Variants in ABCA5 observed in about 807,000 individuals in gnomAD.
ABCA5 encodes cholesterol transporter ABCA5.
Under a neutral mutation model 206.0 loss-of-function variants are expected in ABCA5, and 163 were observed. The observed-to-expected ratio is 0.79, with a 90% CI of 0.70 to 0.90. ABCA5 has a LOEUF of 0.90. Ranked by LOEUF, ABCA5 falls within the 40% of genes least tolerant of loss-of-function variation. The pLI is 0.00. For synonymous variants in ABCA5, 609 were observed against 613.8 expected (o/e 0.99, Z 0.11); for missense variants, 1,859 against 1,912.9 (o/e 0.97, Z 0.53).
rs770349466 is a variant in ABCA5 at position 69,289,947 on chromosome 17, A to G, written c.1697T>C (p.Ile566Thr). The change falls in exon 13 of 39, where the codon ATA (isoleucine) becomes ACA (threonine). Residue 566 changes from isoleucine to threonine, a missense_variant. Coordinates refer to ENST00000392676, the MANE Select transcript of ABCA5 (RefSeq NM_172232.4). ...KMIGICPQLD[I>T]HFDVLTVEEN... ...TTCTACTGTCAAAACATCAAAGTGT[A>G]TATCTAACTGTGGACAAATGCCAAT... is the stretch of plus-strand genomic sequence containing the variant. The G allele has an allele frequency of 9.3e-6, 15 of 1,612,560 alleles. No individual in the cohort carries two copies. Among genetic ancestry groups the G allele is most frequent in the Non-Finnish European group, 1.3e-5 (15 of 1,179,340 alleles).
At chr17:69,298,419 C>T (rs2075615761) in intron 9 of ABCA5, among the ~76,000 whole-genome samples, 1 of 151,744 alleles carries the variant, frequency 6.6e-6, no homozygotes, top group Non-Finnish European at 1.5e-5. Flanking sequence ...TTTTCCCTCT[C>T]AAAATACCTA....
intron 14 of ABCA5, among the ~76,000 whole-genome samples, chr17:69,288,838 G>A: frequency 6.6e-6 from 1 of 151,928 alleles, no homozygotes. Context: ...AACTCAGAAA[G>A]GAAAGGGTGG....
chr17:69,251,984 T>C (rs2075018970), intron 34 of ABCA5, 118 bp from the exon 35 acceptor site: 2 of 1,049,430 alleles, frequency 1.9e-6, no homozygotes, highest in Non-Finnish European at 2.8e-6. Context: ...CAAATATCAA[T>C]TGCTATGGCT....
chr17:69,320,770 G>A (rs1465901060), intron 1 of ABCA5, among the ~76,000 whole-genome samples: 1 of 152,160 alleles, frequency 6.6e-6, no homozygotes, highest in Non-Finnish European at 1.5e-5. Flanking sequence ...CAACCTGCCA[G>A]TCCACAGTGT....
At chr17:69,249,313 G>C (rs1205653061) in intron 37 of ABCA5, 1 of 152,078 alleles carries the variant, frequency 6.6e-6, no homozygotes, top group Non-Finnish European at 1.5e-5. Flanking sequence ...ATTCTTCCAG[G>C]AGGTGATCTC....
At position 69,271,213 on chromosome 17, in the gene ABCA5, A is replaced by C; in HGVS notation, c.2841T>G (p.Tyr947Ter). 6.2e-7 allele frequency: 1 copy of C among 1,613,698 alleles called. No individual in the cohort carries two copies. The highest frequency in any genetic ancestry group is 8.5e-7 in the Non-Finnish European group (1 of 1,179,748). ...IMVTMINDSD[Y>*]VSVAPHSAAL... is the part of the protein sequence containing the mutation. ...CCGCACTATGGGGAGCCACGGATAC[A>C]TAGTCACTGTCATTAATCATCGTCA... Residue 947 changes from tyrosine (Y) to a stop codon, truncating the protein, a stop_gained, in exon 21 of 39, where the codon TAT (tyrosine) becomes TAG (stop). Transcript: ENST00000392676. LOFTEE classifies it high-confidence loss of function.
In ABCA5 at chr17:69,247,596, C is replaced by G. The variant is rs1264870161; in HGVS notation, c.4870G>C (p.Gly1624Arg). The G allele has an allele frequency of 1.9e-6, 3 of 1,611,052 alleles. No individual in the cohort carries two copies. The highest frequency in any genetic ancestry group is 2.5e-6 in the Non-Finnish European group (3 of 1,178,850). ...CACCAAAGTGTGCTGTTTAAAGTTC[C>G]ACAACTATTATCTTCCTCCTCTTGT... ...KEQEEEDNSC[G>R]TLNSTLWWER... Residue 1624 changes from glycine (G) to arginine (R), a missense_variant, in exon 39 of 39, where the codon GGA becomes CGA. Gly to Arg is a moderately radical substitution (Grantham distance 125). Coordinates refer to ENST00000392676, the MANE Select transcript of ABCA5 (RefSeq NM_172232.4).
chr17:69,304,797 G>A lies in ABCA5; in HGVS notation c.802C>T (p.Leu268Phe). The A allele has an allele frequency of 6.3e-7, 1 of 1,593,716 alleles. No homozygotes were observed. Residue 268 changes from leucine to phenylalanine, a missense_variant, in exon 7 of 39, where the codon CTT (leucine) becomes TTT (phenylalanine). By Grantham distance (22) the Leu-to-Phe change is conservative (BLOSUM62 0). Coordinates refer to ENST00000392676, the MANE Select transcript of ABCA5 (RefSeq NM_172232.4). ...HDTAFWLSWV[L>F]LYTSLIFLMS... ...AGAAAAATTAAACTTGTATATAGAA[G>A]AACCCAGGAAAGCCTAAAATGAGAA... is the stretch of plus-strand genomic sequence containing the variant.
rs1291929063 is a variant in ABCA5, at chr17:69,288,718, AG to A, written c.1902+458del. On this transcript the variant is annotated intron_variant, in intron 14 of 38. Transcript: ENST00000392676. Reference sequence around the variant, plus strand: ...TCGTCTCTACAAATTAAAAAAAAAAAGAAGAAAGAAAGAAAGAAAGAAAGAA... The same window carrying A: ...TCGTCTCTACAAATTAAAAAAAAAAAAAGAAAGAAAGAAAGAAAGAAAGAA... Among the ~76,000 whole-genome samples the A allele has an allele frequency of 6.9e-5, 4 of 58,246 alleles. No individual in the cohort carries two copies. The East Asian group carries it at 2.3e-3, about 33-fold the overall frequency. The allele number at this position is 58,246 out of a possible 152,430, so 38.2% of individuals were successfully genotyped here.
intron 6 of ABCA5, among the ~76,000 whole-genome samples, chr17:69,305,746 C>T (rs112838451): frequency 0.015 from 2,339 of 152,178 alleles, 50 homozygotes; most frequent in African/African-American, 0.054. Context: ...CAGCATGCAC[C>T]TGTAGTCCCA....
In ABCA5 at chr17:69,326,329, G is replaced by A. The variant is rs1312438188; in HGVS notation, c.-16+723C>T. The stretch of plus-strand genomic sequence containing the variant: ...TTCCTTCAGAACGCCCTTGTAGAAA[G>A]TAAACGTGGTTATTATCTTCATTAT... On this transcript the variant is annotated intron_variant, in intron 1 of 38. Transcript: ENST00000392676. The surrounding 1 kb of genome is among the most constrained non-coding windows in gnomAD (Gnocchi z 4.8). Among the ~76,000 whole-genome samples the A allele has an allele frequency of 1.3e-5, 2 of 152,200 alleles. No individual in the cohort carries two copies. Among genetic ancestry groups the A allele is most frequent in the African/African-American group, 4.8e-5 (2 of 41,452 alleles).
Position 69,314,418 on chromosome 17 carries a change from T to C in ABCA5, c.-3A>G. The C allele has an allele frequency of 6.3e-7, 1 of 1,598,686 alleles. No homozygotes were observed. The highest frequency in any genetic ancestry group is 2.2e-5 in the East Asian group (1 of 44,680). ...ACCTCCCTAATTGCAGTGGACATGT[T>C]TTCTGAATAAACCTATTAAAGAGGA... On this transcript the variant is annotated 5_prime_UTR_variant, in exon 2 of 39. Transcript: ENST00000392676.
chr17:69,265,204 T>C (rs565389967), intron 23 of ABCA5, among the ~76,000 whole-genome samples: 1 of 152,236 alleles, frequency 6.6e-6, no homozygotes, highest in Non-Finnish European at 1.5e-5. Context: ...CGGTTGGGGT[T>C]ACAGCTATAC....
chr17:69,277,604 G>T, intron 19 of ABCA5, 37 bp downstream of exon 19: 1 of 1,499,132 alleles, frequency 6.7e-7, no homozygotes, highest in Non-Finnish European at 9.0e-7. Context: ...TCCTTAAAAA[G>T]CAATCCATCA....
rs1567758651 is a variant in ABCA5, at chr17:69,270,767, G to C, written c.2893-17C>G. 3 of 1,517,748 alleles carry C rather than the reference G, an allele frequency of 2.0e-6. No homozygotes were observed. Among genetic ancestry groups the C allele is most frequent in the Non-Finnish European group, 2.6e-6 (3 of 1,138,226 alleles). 94.0% of individuals were successfully genotyped at this position (1,517,748 alleles called of 1,614,324 possible). On this transcript the variant is annotated splice_polypyrimidine_tract_variant and intron_variant, in intron 21 of 38. Transcript: ENST00000392676. ...AACATAGTCCTACAATTAAAAAAAA[G>C]ACACTTATTACATACTGTATATAAG...
rs1008372813 is a variant in ABCA5, at chr17:69,274,209, T to C, written c.2595-81A>G. 6 of 1,328,254 alleles carry C rather than the reference T, an allele frequency of 4.5e-6. No individual in the cohort carries two copies. In the African/African-American group the frequency reaches 7.4e-5, roughly 16 times the overall value. The allele number at this position is 1,328,254 out of a possible 1,614,324, so 82.3% of individuals were successfully genotyped here. ...AATCAATTAAAACTCTCCCTTCACA[T>C]TGATATGGACTTTTTTTGTTTTTAT... On this transcript the variant is annotated intron_variant, in intron 19 of 38. Coordinates refer to ENST00000392676, the MANE Select transcript of ABCA5 (RefSeq NM_172232.4).
intron 1 of ABCA5, among the ~76,000 whole-genome samples, chr17:69,324,664 T>C (rs534140460): frequency 6.6e-5 from 10 of 152,374 alleles, no homozygotes; most frequent in Middle Eastern, 6.8e-3. Context: ...CCTTGAATCC[T>C]ACTTTACTGA....
rs1598215072 is a variant in ABCA5 at position 69,324,342 on chromosome 17, G to A, written c.-16+2710C>T. Among the ~76,000 whole-genome samples, 5 of 152,168 alleles carry A rather than the reference G, an allele frequency of 3.3e-5. No homozygotes were observed. In the East Asian group the frequency reaches 7.7e-4, roughly 23 times the overall value. ...GGTAAAGCTAGACTCCCAAACAAAA[G>A]GGCTTGACTTTTGTGAAGAACAGGG... On this transcript the variant is annotated intron_variant, in intron 1 of 38. Coordinates refer to ENST00000392676, the MANE Select transcript of ABCA5 (RefSeq NM_172232.4).
intron 37 of ABCA5, chr17:69,249,483 T>C (rs2074988108): frequency 1.8e-5 from 3 of 163,562 alleles, no homozygotes; most frequent in African/African-American, 7.1e-5. Context: ...GCTACTTCTA[T>C]GGACCAGTAT....
Sources: gnomAD v4.1 joint callset for allele counts (sites outside exome capture counted in the v4.1 genomes callset) on GRCh38, gnomAD v4.1.1 for gene constraint, Gnocchi (gnomAD v3.1) non-coding constraint, MANE v1.5 for transcripts, NCBI Gene and HGNC (gene_info 2026-07-23, HGNC 2026-07-21) for gene names.